Variants in ASB9 observed in about 807,000 individuals in gnomAD.
ASB9 encodes ankyrin repeat and SOCS box containing 9.
ASB9 carries 5 observed loss-of-function variants against 16.6 expected under a neutral mutation model. The ratio of observed to expected loss-of-function variants is 0.30; its 90% CI spans 0.16 to 0.63. ASB9 has a LOEUF of 0.63. ASB9 is among the 30% of genes least tolerant of loss of function. ASB9 has a pLI of 0.82. For missense variants in ASB9, 216 were observed against 229.4 expected (o/e 0.94, Z 0.38); for synonymous variants, 100 against 86.4 (o/e 1.16, Z -0.87).
intron 1 of ASB9, among the ~76,000 whole-genome samples, chrX:15,265,061 C>A (rs1410908478): frequency 3.6e-5 from 4 of 112,319 alleles, no homozygotes; most frequent in Admixed American, 9.4e-5. Context: ...ACTGGTCCTA[C>A]TTCATCAACT....
At chrX:15,255,088 T>C (rs1474582251) in intron 2 of ASB9, among the ~76,000 whole-genome samples, 1 of 111,733 alleles carries the variant, frequency 8.9e-6, no homozygotes. Context: ...CATATGCCTA[T>C]GACTCAGCAA....
chrX:15,248,570 G>A, intron 6 of ASB9, 174 bp downstream of exon 6: 2 of 821,331 alleles, frequency 2.4e-6, no homozygotes, highest in East Asian at 3.6e-5. Context: ...TTACTGTACT[G>A]TGACCAGTAC....
At chrX:15,263,546 TTC>T (rs1178305963) in intron 1 of ASB9, among the ~76,000 whole-genome samples, 1 of 101,137 alleles carries the variant, frequency 9.9e-6, no homozygotes, top group African/African-American at 3.7e-5. Flanking sequence ...CTCCTCTTTC[TTC>T]TCTCTCTTCT....
chrX:15,255,114 T>G (rs1925435943), intron 2 of ASB9, among the ~76,000 whole-genome samples: 1 of 111,806 alleles, frequency 8.9e-6, no homozygotes, highest in Admixed American at 9.5e-5. Context: ...CTCTTAGGTA[T>G]ATATACATCT....
chrX:15,263,746 T>C (rs1569159803), intron 1 of ASB9, among the ~76,000 whole-genome samples: 1 of 111,479 alleles, frequency 9.0e-6, no homozygotes, highest in Non-Finnish European at 1.9e-5. Flanking sequence ...AATAAAATTG[T>C]TTTCTTTCAA....
chrX:15,267,425 T>TTTAAAAAAAAAAAAAAAA (rs377056337), intron 1 of ASB9, among the ~76,000 whole-genome samples: 166 of 87,368 alleles, frequency 1.9e-3, no homozygotes, highest in Admixed American at 0.013. Context: ...AAAATATATA[T>TTTAAAAAAAAAAAAAAAA]ATATATATAA....
intron 6 of ASB9, among the ~76,000 whole-genome samples, chrX:15,245,242 A>G (rs1924561267): frequency 9.0e-6 from 1 of 111,419 alleles, no homozygotes; most frequent in African/African-American, 3.3e-5. Flanking sequence ...GGCTCAGGGA[A>G]GGAAAGGAGG....
chrX:15,254,921 G>C lies in ASB9; in HGVS notation c.175-77C>G, dbSNP rs1925418249. 1.4e-5 allele frequency: 11 copies of C among 788,159 alleles called. No homozygotes were observed. In the South Asian group the frequency reaches 2.7e-4, roughly 20 times the overall value. 65.0% of individuals were successfully genotyped at this position (788,159 alleles called of 1,213,427 possible). On this transcript the variant is annotated intron_variant, in intron 2 of 6. Coordinates refer to ENST00000380488, the MANE Select transcript of ASB9 (RefSeq NM_001031739.3). ...GGGCTGCTTTTCAGCCACCATTCCA[G>C]TACTATGACAAAGCTGACCTGGCTC...
At position 15,248,758 on chromosome X, in the gene ASB9, A is replaced by G; in HGVS notation, c.746T>C (p.Phe249Ser). 1 of 1,208,168 alleles carries G rather than the reference A, an allele frequency of 8.3e-7. No homozygotes were observed. The highest frequency in any genetic ancestry group is 1.1e-6 in the Non-Finnish European group (1 of 893,243). ...VPPESPLAQL[F>S]LEREGPPSLM... Reference sequence around the variant, plus strand: ...CAAAGAAGCACCTTCTCTCTCCAAGAAGAGCTGGGCCAAGGGGCTCTCTGG... The same window carrying G: ...CAAAGAAGCACCTTCTCTCTCCAAGGAGAGCTGGGCCAAGGGGCTCTCTGG... Residue 249 changes from phenylalanine to serine, a missense_variant, in exon 6 of 7, where the codon TTC becomes TCC. Transcript: ENST00000380488.
chrX:15,255,748 G>A (rs1037187446), intron 2 of ASB9, among the ~76,000 whole-genome samples: 6 of 111,865 alleles, frequency 5.4e-5, no homozygotes, highest in Non-Finnish European at 1.1e-4. Context: ...TCTACCTTGT[G>A]AGACAATTAA....
intron 2 of ASB9, among the ~76,000 whole-genome samples, chrX:15,257,860 T>C (rs1166743779): frequency 8.9e-6 from 1 of 112,186 alleles, no homozygotes; most frequent in Non-Finnish European, 1.9e-5. Flanking sequence ...AGATGTGACA[T>C]GAACAGATTG....
intron 1 of ASB9, among the ~76,000 whole-genome samples, chrX:15,267,743 C>CA (rs1246447131): frequency 2.7e-4 from 7 of 25,970 alleles, no homozygotes; most frequent in African/African-American, 1.3e-3. Flanking sequence ...AACTCCACTT[C>CA]AAAAAAAACA....
intron 1 of ASB9, among the ~76,000 whole-genome samples, chrX:15,261,437 A>G (rs1925956263): frequency 9.0e-6 from 1 of 111,558 alleles, no homozygotes; most frequent in Non-Finnish European, 1.9e-5. Context: ...AGAGCTCCCT[A>G]AGATTATTAT....
At position 15,247,911 on chromosome X, in the gene ASB9, C is replaced by T. The variant is rs147353418; in HGVS notation, c.760+833G>A. ...AAGAAGGATTCCTTAGCCCACTTTACAGTTCTGCCCAAAGCCAACCTTACT... is the reference window on the plus strand; with the variant it reads ...AAGAAGGATTCCTTAGCCCACTTTATAGTTCTGCCCAAAGCCAACCTTACT... On this transcript the variant is annotated intron_variant, in intron 6 of 6. Coordinates refer to ENST00000380488, the MANE Select transcript of ASB9 (RefSeq NM_001031739.3). Among the ~76,000 whole-genome samples, 321 of 112,387 alleles carry T rather than the reference C, an allele frequency of 2.9e-3. 1 individual carries two copies. Among genetic ancestry groups the T allele is most frequent in the African/African-American group, 9.9e-3 (305 of 30,936 alleles).
chrX:15,266,896 AC>A (rs2147662379), intron 1 of ASB9, among the ~76,000 whole-genome samples: 1 of 105,892 alleles, frequency 9.4e-6, no homozygotes, highest in South Asian at 4.1e-4. Context: ...AGATTGTGCC[AC>A]TGCACTCCAG....
intron 1 of ASB9, among the ~76,000 whole-genome samples, chrX:15,259,936 A>G (rs1278364080): frequency 8.9e-6 from 1 of 112,245 alleles, no homozygotes; most frequent in Admixed American, 9.5e-5. Context: ...GTATATGCAA[A>G]TATTCCAACA....
chrX:15,249,042 T>C, intron 5 of ASB9, 107 bp from the exon 6 acceptor site: 1 of 793,896 alleles, frequency 1.3e-6, no homozygotes, highest in East Asian at 3.5e-5. Context: ...GGGATCCATA[T>C]TGAGCACAGC....
chrX:15,248,139 C>T (rs1028551333), intron 6 of ASB9, among the ~76,000 whole-genome samples: 2 of 110,442 alleles, frequency 1.8e-5, no homozygotes, highest in Admixed American at 9.7e-5. Flanking sequence ...GTCTTTGTTC[C>T]CCAGCCCAGC....
At chrX:15,244,668 T>C in intron 6 of ASB9, 38 bp from the exon 7 acceptor site, 1 of 1,132,700 alleles carries the variant, frequency 8.8e-7, no homozygotes, top group Non-Finnish European at 1.2e-6. Context: ...ACAATGGTGC[T>C]ATTGATCTAA....
Sources: gnomAD v4.1 joint callset for allele counts (sites outside exome capture counted in the v4.1 genomes callset) on GRCh38, gnomAD v4.1.1 for gene constraint, MANE v1.5 for transcripts, NCBI Gene and HGNC (gene_info 2026-07-23, HGNC 2026-07-21) for gene names.